TRIM55: variants seen among roughly 807,000 people sequenced by gnomAD.
TRIM55 encodes the protein tripartite motif-containing protein 55.
TRIM55 carries 50 observed loss-of-function variants against 60.9 expected under a neutral mutation model. That is an observed-to-expected ratio of 0.82 (90% CI 0.65 to 1.04). The LOEUF (loss-of-function observed/expected upper bound fraction) is 1.04, where lower values mean the gene tolerates loss of function less well. Ranked by LOEUF, TRIM55 falls within the 50% of genes least tolerant of loss-of-function variation. TRIM55 has a pLI of 0.00. For synonymous variants in TRIM55, 237 were observed against 238.1 expected (o/e 1.00, Z 0.04); for missense variants, 681 against 666.9 (o/e 1.02, Z -0.23).
chr8:66,113,591 T>C, the TRIM55 span: 2 of 456,192 alleles, frequency 4.4e-6, no homozygotes, highest in African/African-American at 2.0e-5. Flanking sequence ...CCTCCCAGCC[T>C]GCACGGTAAT....
At chr8:66,135,651 T>C (rs183252120) in intron 3 of TRIM55, among the ~76,000 whole-genome samples, 1 of 152,194 alleles carries the variant, frequency 6.6e-6, no homozygotes, top group Non-Finnish European at 1.5e-5. Flanking sequence ...ACTGATGACA[T>C]GCAGTTACAG....
chr8:66,172,897 G>A (rs1563398753), intron 9 of TRIM55, among the ~76,000 whole-genome samples: 1 of 152,170 alleles, frequency 6.6e-6, no homozygotes, highest in Non-Finnish European at 1.5e-5. Context: ...ATATGCCCAG[G>A]TCATTTGGGC....
chr8:66,152,004 T>C (rs1220500750), intron 7 of TRIM55, among the ~76,000 whole-genome samples: 2 of 152,086 alleles, frequency 1.3e-5, no homozygotes, highest in East Asian at 1.9e-4. Flanking sequence ...GGGAAGACAG[T>C]TGCACTTCCA....
intron 9 of TRIM55, among the ~76,000 whole-genome samples, chr8:66,173,633 G>A (rs1308566529): frequency 6.6e-6 from 1 of 152,172 alleles, no homozygotes; most frequent in Non-Finnish European, 1.5e-5. Context: ...AGGAAGGACG[G>A]TGTTTGTCAT....
rs932583878 is a variant in TRIM55, at chr8:66,175,395, A to T, written c.*802A>T. 6.6e-6 allele frequency: 1 copy of T among 152,182 alleles called. No individual in the cohort carries two copies. The highest frequency in any genetic ancestry group is 1.5e-5 in the Non-Finnish European group (1 of 68,034). 9.4% of individuals were successfully genotyped at this position (152,182 alleles called of 1,614,324 possible). ...CATTAAATATATATATATTTAAATC[A>T]TGCTTTGTTAATATTTGTCCCACCA... On this transcript the variant is annotated 3_prime_UTR_variant, in exon 10 of 10. Transcript: ENST00000315962.
the TRIM55 span, among the ~76,000 whole-genome samples, chr8:66,118,524 A>G: frequency 1.3e-5 from 2 of 152,178 alleles, no homozygotes; most frequent in Non-Finnish European, 2.9e-5. Context: ...GAGGGAAAAC[A>G]TTTAGTATTT....
intron 9 of TRIM55, among the ~76,000 whole-genome samples, chr8:66,166,502 T>C (rs558561042): frequency 2.0e-5 from 3 of 152,346 alleles, no homozygotes; most frequent in African/African-American, 7.2e-5. Flanking sequence ...ACACCTCTTC[T>C]TCCACTACAC....
At chr8:66,127,795 A>G (rs1808902094) in intron 1 of TRIM55, among the ~76,000 whole-genome samples, 1 of 152,216 alleles carries the variant, frequency 6.6e-6, no homozygotes, top group East Asian at 1.9e-4. Flanking sequence ...AGATCGTGCC[A>G]TTGCCCTCCG....
chr8:66,135,193 C>T (rs1809411831), intron 3 of TRIM55, 38 bp downstream of exon 3: 1 of 1,610,580 alleles, frequency 6.2e-7, no homozygotes, highest in African/African-American at 1.3e-5. Flanking sequence ...AACCCCTCCC[C>T]ATCCCCACAC....
chr8:66,118,168 CAAAAAAAAAAAA>C, the TRIM55 span, among the ~76,000 whole-genome samples: 8 of 39,898 alleles, frequency 2.0e-4, no homozygotes, highest in Middle Eastern at 0.016. Flanking sequence ...GACTCCGTCT[CAAAAAAAAAAAA>C]AAAAAAAAAA....
At chr8:66,113,433 T>G in the TRIM55 span, 3 of 447,276 alleles carry the variant, frequency 6.7e-6, no homozygotes, top group Admixed American at 2.4e-5. Context: ...CATCCTTAGG[T>G]CGCTGGTTCG....
intron 9 of TRIM55, among the ~76,000 whole-genome samples, chr8:66,172,589 G>A (rs1401609413): frequency 6.6e-6 from 1 of 152,204 alleles, no homozygotes; most frequent in Admixed American, 6.5e-5. Flanking sequence ...CATTTTAAAT[G>A]GAAGATAGAT....
intron 9 of TRIM55, among the ~76,000 whole-genome samples, chr8:66,159,373 G>A (rs1182482464): frequency 6.6e-6 from 1 of 152,174 alleles, no homozygotes; most frequent in East Asian, 1.9e-4. Flanking sequence ...TAGTATCTCA[G>A]TTCTTTTTAT....
At chr8:66,163,770 T>C (rs1444365244) in intron 9 of TRIM55, among the ~76,000 whole-genome samples, 1 of 152,270 alleles carries the variant, frequency 6.6e-6, no homozygotes, top group East Asian at 1.9e-4. Flanking sequence ...CATGGTGTTC[T>C]GTACCTGTCA....
chr8:66,128,481 C>T lies in TRIM55; in HGVS notation c.341+5C>T, dbSNP rs1396842160. On this transcript the variant is annotated splice_donor_5th_base_variant and intron_variant, in intron 2 of 9. Transcript: ENST00000315962. ...CTACAAGCAGGAGTCCACCAGGTAACACTCTTCCACTCTTCCATGTGTCAA... is the reference window on the plus strand; with the variant it reads ...CTACAAGCAGGAGTCCACCAGGTAATACTCTTCCACTCTTCCATGTGTCAA... The T allele has an allele frequency of 6.2e-7, 1 of 1,609,922 alleles. No individual in the cohort carries two copies. The highest frequency in any genetic ancestry group is 1.1e-5 in the South Asian group (1 of 90,138).
At position 66,154,350 on chromosome 8, in the gene TRIM55, C is replaced by G; in HGVS notation, c.1524+16C>G. On this transcript the variant is annotated intron_variant, in intron 9 of 9. Coordinates refer to ENST00000315962, the MANE Select transcript of TRIM55 (RefSeq NM_184085.2). Reference sequence around the variant, plus strand: ...TACTTCTCAGGTTAGTGATGATGCACTTGTGTCTATGCTTTCCCGCGCCCC... The same window carrying G: ...TACTTCTCAGGTTAGTGATGATGCAGTTGTGTCTATGCTTTCCCGCGCCCC... 1 of 1,611,742 alleles carries G rather than the reference C, an allele frequency of 6.2e-7. No homozygotes were observed. Among genetic ancestry groups the G allele is most frequent in the Non-Finnish European group, 8.5e-7 (1 of 1,178,230 alleles).
intron 4 of TRIM55, among the ~76,000 whole-genome samples, chr8:66,139,750 G>T (rs1386479754): frequency 6.6e-6 from 1 of 152,104 alleles, no homozygotes; most frequent in Non-Finnish European, 1.5e-5. Flanking sequence ...AGTCTTAAAA[G>T]TCCATCCTTT....
At chr8:66,131,436 T>C (rs1309608012) in intron 2 of TRIM55, among the ~76,000 whole-genome samples, 4 of 152,224 alleles carry the variant, frequency 2.6e-5, no homozygotes, top group African/African-American at 7.2e-5. Context: ...TCCTATTCTT[T>C]GATTTTTCAA....
intron 9 of TRIM55, among the ~76,000 whole-genome samples, chr8:66,167,011 T>C (rs1811362884): frequency 6.6e-6 from 1 of 152,162 alleles, no homozygotes; most frequent in Non-Finnish European, 1.5e-5. Context: ...CCACTGCAAA[T>C]GAGGGCGAGC....
Sources: gnomAD v4.1 joint callset for allele counts (sites outside exome capture counted in the v4.1 genomes callset) on GRCh38, gnomAD v4.1.1 for gene constraint, MANE v1.5 for transcripts, NCBI Gene and HGNC (gene_info 2026-07-23, HGNC 2026-07-21) for gene names.